UBE2D3: variants seen among roughly 807,000 people sequenced by gnomAD.
UBE2D3 encodes the protein ubiquitin-conjugating enzyme E2 D3.
A neutral mutation model predicts 22.8 loss-of-function variants in UBE2D3; 2 were observed. The observed-to-expected ratio is 0.09, with a 90% CI of 0.04 to 0.28. The LOEUF is 0.28. Among genes scored for constraint, UBE2D3 ranks in the 10% least tolerant of loss-of-function variants. UBE2D3 has a pLI of 1.00. For synonymous variants in UBE2D3, 56 were observed against 60.4 expected (o/e 0.93, Z 0.34); for missense variants, 27 against 182.5 (o/e 0.15, Z 4.91).
At chr4:102,830,321 A>G (rs1415285793), upstream of UBE2D3, among the ~76,000 whole-genome samples, 1 of 152,262 alleles carries the variant, frequency 6.6e-6, no homozygotes, top group African/African-American at 2.4e-5. Context: ...GAAACAAGAA[A>G]GGAAAATAAT....
At chr4:102,860,545 C>T (rs1732844179) in intron 1 of UBE2D3, among the ~76,000 whole-genome samples, 1 of 151,852 alleles carries the variant, frequency 6.6e-6, no homozygotes, top group Non-Finnish European at 1.5e-5. Context: ...GTCAGCCTGA[C>T]TAGAGATTCT....
intron 1 of UBE2D3, among the ~76,000 whole-genome samples, chr4:102,868,072 C>CTTTTTTTTTTTTTTTTTTTT (rs11418599): frequency 2.6e-5 from 3 of 115,252 alleles, no homozygotes; most frequent in African/African-American, 1.1e-4. Flanking sequence ...GCTTTAGATT[C>CTTTTTTTTTTTTTTTTTTTT]TTTTTTTTTT....
chr4:102,827,635 G>C, upstream of UBE2D3: 1 of 986,760 alleles, frequency 1.0e-6, no homozygotes, highest in Non-Finnish European at 1.2e-6. Flanking sequence ...GCCGTCCCGA[G>C]CACAAGACCG....
chr4:102,863,162 T>G (rs1030833231), intron 1 of UBE2D3, among the ~76,000 whole-genome samples: 5 of 152,128 alleles, frequency 3.3e-5, no homozygotes, highest in Non-Finnish European at 7.4e-5. Context: ...GCGATTCTCC[T>G]GCCTCAGCCT....
chr4:102,820,663 C>T (rs937356325), intron 2 of UBE2D3, among the ~76,000 whole-genome samples: 2 of 152,022 alleles, frequency 1.3e-5, no homozygotes, highest in African/African-American at 4.8e-5. Context: ...GGCAAAGAAA[C>T]CCAAATTTAG....
At chr4:102,806,431 G>A (rs1172205150) in intron 4 of UBE2D3, among the ~76,000 whole-genome samples, 3 of 151,672 alleles carry the variant, frequency 2.0e-5, no homozygotes, top group Non-Finnish European at 4.4e-5. Context: ...GCTCCTCAAC[G>A]AGTAAGGTTA....
upstream of UBE2D3, chr4:102,827,866 T>C (rs1730838388): frequency 3.0e-6 from 3 of 985,414 alleles, no homozygotes; most frequent in South Asian, 9.4e-5. Flanking sequence ...AAGGAGACCA[T>C]GGGAGGAAGG....
intron 6 of UBE2D3, among the ~76,000 whole-genome samples, chr4:102,799,936 TTC>T (rs898665114): frequency 2.6e-5 from 4 of 152,036 alleles, no homozygotes; most frequent in African/African-American, 9.6e-5. Flanking sequence ...TCTTGGCAAT[TTC>T]TGAGAAAAAC....
intron 4 of UBE2D3, among the ~76,000 whole-genome samples, chr4:102,806,334 T>TC (rs1027560884): frequency 6.6e-6 from 1 of 152,152 alleles, no homozygotes; most frequent in African/African-American, 2.4e-5. Flanking sequence ...TCCCTACCCT[T>TC]CTTTTATACC....
intron 4 of UBE2D3, among the ~76,000 whole-genome samples, chr4:102,806,518 A>T (rs1377259638): frequency 1.3e-5 from 2 of 152,202 alleles, no homozygotes; most frequent in African/African-American, 4.8e-5. Context: ...AAAAGTTGAA[A>T]AAATAATCCT....
intron 4 of UBE2D3, among the ~76,000 whole-genome samples, chr4:102,807,864 G>A (rs2110275634): frequency 6.6e-6 from 1 of 152,146 alleles, no homozygotes; most frequent in East Asian, 1.9e-4. Flanking sequence ...CTAGTGTGTT[G>A]TTCAAAATAA....
upstream of UBE2D3, chr4:102,828,117 T>C: frequency 1.0e-6 from 1 of 985,376 alleles, no homozygotes; most frequent in South Asian, 4.7e-5. Flanking sequence ...GGCGGGCCAC[T>C]GCCAGGAAAG....
At chr4:102,829,738 G>A (rs1294829264), upstream of UBE2D3, among the ~76,000 whole-genome samples, 3 of 152,144 alleles carry the variant, frequency 2.0e-5, no homozygotes, top group African/African-American at 7.2e-5. Flanking sequence ...AGGAGTTCGA[G>A]ACCAGCCTGG....
chr4:102,797,964 G>C (rs1725464054), intron 7 of UBE2D3, among the ~76,000 whole-genome samples: 1 of 151,824 alleles, frequency 6.6e-6, no homozygotes, highest in Non-Finnish European at 1.5e-5. Context: ...AGAGGCAGAA[G>C]GGGAAGATGA....
intron 1 of UBE2D3, chr4:102,827,027 G>T: frequency 1.0e-6 from 1 of 993,670 alleles, no homozygotes. Context: ...ACGCCGGGCT[G>T]CTTTCGGTTT....
chr4:102,794,953 C>T lies in UBE2D3; in HGVS notation c.*2462G>A, dbSNP rs1461169562. 2 of 152,064 alleles carry T rather than the reference C, an allele frequency of 1.3e-5. No individual in the cohort carries two copies. Among genetic ancestry groups the T allele is most frequent in the Admixed American group, 6.6e-5 (1 of 15,252 alleles). 9.4% of individuals were successfully genotyped at this position (152,064 alleles called of 1,614,324 possible). A position where few individuals can be genotyped will look rare whatever the true frequency, so the allele number is the denominator to read the frequency against. On this transcript the variant is annotated 3_prime_UTR_variant, in exon 8 of 8. Transcript: ENST00000453744. ...TTCTAATACTCAGTTGGGTCCTATA[C>T]ATGGCACTAGTAATGTCAAATTACT...
intron 1 of UBE2D3, among the ~76,000 whole-genome samples, chr4:102,844,813 G>A (rs1731954881): frequency 1.3e-5 from 2 of 151,988 alleles, no homozygotes; most frequent in Non-Finnish European, 2.9e-5. Flanking sequence ...GAGGTCAGCA[G>A]ATCGAGACCA....
chr4:102,860,304 C>G (rs1341027951), intron 1 of UBE2D3, among the ~76,000 whole-genome samples: 1 of 150,834 alleles, frequency 6.6e-6, no homozygotes, highest in Non-Finnish European at 1.5e-5. Context: ...ACTGCTAGAA[C>G]TTTAATTTGT....
chr4:102,827,360 C>T, intron 1 of UBE2D3, 67 bp downstream of exon 1: 1 of 984,726 alleles, frequency 1.0e-6, no homozygotes. Flanking sequence ...CCGCACTGCC[C>T]CTCTTACCCG....
Sources: allele counts gnomAD v4.1 joint callset (sites outside exome capture counted in the v4.1 genomes callset), GRCh38; gene constraint gnomAD v4.1.1; transcripts MANE v1.5; gene names NCBI Gene and HGNC (gene_info 2026-07-23, HGNC 2026-07-21).